Variants in GSE1 observed in about 807,000 individuals in gnomAD.
The protein encoded by GSE1 is Gse1 coiled-coil protein, also known as genetic suppressor element 1.
A neutral mutation model predicts 112.6 loss-of-function variants in GSE1; 32 were observed. The observed-to-expected ratio is 0.28, with a 90% CI of 0.21 to 0.38. The LOEUF is 0.38. GSE1 is among the 10% of genes least tolerant of loss of function. GSE1 has a pLI of 1.00. For missense variants in GSE1, 2,348 were observed against 1,699.2 expected, an observed-to-expected ratio of 1.38 and a Z score of -6.71; for synonymous variants, 1,115 against 735.6, an observed-to-expected ratio of 1.52 and a Z score of -8.35.
intron 1 of GSE1, among the ~76,000 whole-genome samples, chr16:85,293,809 CTG>C (rs1300745831): frequency 6.6e-6 from 1 of 152,230 alleles, no homozygotes; most frequent in African/African-American, 2.4e-5. Context: ...GTGACCTTCT[CTG>C]TGTGTCTTCA....
intron 1 of GSE1, among the ~76,000 whole-genome samples, chr16:85,225,141 A>G (rs2075462365): frequency 6.6e-6 from 1 of 152,076 alleles, no homozygotes; most frequent in African/African-American, 2.4e-5. Context: ...AAAAAGAAAG[A>G]AGTAAGTGAA....
Position 85,644,073 on chromosome 16 carries a change from A to G in GSE1, c.227-4479A>G, listed in dbSNP as rs559118547. ...GCAGGCACCGTTACTCATGCCTGTA[A>G]TCCCAGCACTGTGGGCAACTGAGGC... On this transcript the variant is annotated intron_variant, in intron 2 of 15. Transcript: ENST00000253458. Among the ~76,000 whole-genome samples the G allele has an allele frequency of 1.8e-4, 28 of 152,106 alleles. 1 individual carries two copies. The highest frequency in any genetic ancestry group is 3.4e-3 in the Middle Eastern group (1 of 294).
chr16:85,287,557 C>T (rs942940669), intron 1 of GSE1, among the ~76,000 whole-genome samples: 6 of 152,100 alleles, frequency 3.9e-5, no homozygotes, highest in East Asian at 1.9e-4. Context: ...CCTTTGTACC[C>T]GCTGCCCCCT....
At position 85,336,928 on chromosome 16, in the gene GSE1, G is replaced by T. The variant is rs2046501211; in HGVS notation, c.2284-20535G>T. ...CGTGTACACGCATGCCCACACAAAT[G>T]CACACGCTGACATGCACACATGCTT... is the stretch of plus-strand genomic sequence containing the variant. On this transcript the variant is annotated intron_variant, in intron 1 of 2. Coordinates refer to the GSE1 transcript ENST00000637419. Among the ~76,000 whole-genome samples the T allele has an allele frequency of 3.3e-5, 5 of 152,300 alleles. No individual in the cohort carries two copies. The South Asian group carries it at 1.0e-3, about 32-fold the overall frequency.
rs146099569 is a variant in GSE1 at position 85,309,531 on chromosome 16, C to T, written c.2284-47932C>T. On this transcript the variant is annotated intron_variant, in intron 1 of 2. Transcript: ENST00000637419. ...AAATAAATAAATAAATAAGAAGAAC[C>T]GGGTGAGATTAATTTTGAGATGATA... Among the ~76,000 whole-genome samples, 154 of 139,268 alleles carry T rather than the reference C, an allele frequency of 1.1e-3. 1 individual carries two copies. The highest frequency in any genetic ancestry group is 3.6e-3 in the African/African-American group (146 of 40,376). 91.4% of individuals were successfully genotyped at this position (139,268 alleles called of 152,430 possible).
At chr16:85,610,660 TCA>T (rs2047928564), upstream of GSE1, among the ~76,000 whole-genome samples, 2 of 152,174 alleles carry the variant, frequency 1.3e-5, no homozygotes, top group Admixed American at 6.5e-5. Context: ...CGGCCAGGAC[TCA>T]CAGAGCGGCT....
chr16:85,442,450 A>ATGAC (rs1324175434), intron 2 of GSE1, among the ~76,000 whole-genome samples: 1 of 151,796 alleles, frequency 6.6e-6, no homozygotes, highest in East Asian at 1.9e-4. Flanking sequence ...GGATGAATGA[A>ATGAC]TGAATGAATG....
chr16:85,250,174 G>A (rs765388730), intron 1 of GSE1, among the ~76,000 whole-genome samples: 1 of 152,194 alleles, frequency 6.6e-6, no homozygotes, highest in African/African-American at 2.4e-5. Context: ...GTCCCTCGAA[G>A]AGACCCCTCT....
chr16:85,621,694 G>C (rs955270253), intron 1 of GSE1, among the ~76,000 whole-genome samples: 1 of 152,208 alleles, frequency 6.6e-6, no homozygotes, highest in Non-Finnish European at 1.5e-5. Context: ...GGATGCTGGA[G>C]CTGGGGTTTC....
intron 1 of GSE1, among the ~76,000 whole-genome samples, chr16:85,279,801 G>C (rs1317531953): frequency 6.6e-6 from 1 of 152,044 alleles, no homozygotes; most frequent in Non-Finnish European, 1.5e-5. Flanking sequence ...GAATTCTCAG[G>C]ACTGTCTGTC....
At chr16:85,547,550 A>G (rs1217409468) in intron 2 of GSE1, among the ~76,000 whole-genome samples, 3 of 152,206 alleles carry the variant, frequency 2.0e-5, no homozygotes, top group Admixed American at 2.0e-4. Context: ...TAATTAATGT[A>G]TAATTTAATA....
chr16:85,627,127 A>G (rs1452642346), intron 1 of GSE1, among the ~76,000 whole-genome samples: 1 of 101,616 alleles, frequency 9.8e-6, no homozygotes, highest in Non-Finnish European at 1.8e-5. Flanking sequence ...AGAGAATAGG[A>G]GAAAGTATTG....
intron 6 of GSE1, 74 bp downstream of exon 6, chr16:85,655,991 C>G: frequency 8.0e-7 from 1 of 1,247,094 alleles, no homozygotes; most frequent in Non-Finnish European, 1.1e-6. Flanking sequence ...AAAGCCTGGG[C>G]TGGAACCTGA....
intron 1 of GSE1, among the ~76,000 whole-genome samples, chr16:85,253,826 T>C (rs1008088985): frequency 1.2e-4 from 17 of 145,242 alleles, no homozygotes; most frequent in African/African-American, 4.0e-4. Flanking sequence ...GAGAACTGTG[T>C]GTGCAAAGGC....
intron 2 of GSE1, among the ~76,000 whole-genome samples, chr16:85,400,481 T>C (rs1006575273): frequency 2.6e-5 from 4 of 151,294 alleles, no homozygotes; most frequent in African/African-American, 9.7e-5. Context: ...GTGTGTAGTT[T>C]TGTGTTGTGT....
chr16:85,246,304 G>T, intron 1 of GSE1, among the ~76,000 whole-genome samples: 1 of 47,444 alleles, frequency 2.1e-5, no homozygotes, highest in African/African-American at 9.8e-5. Context: ...CACCCCACAC[G>T]CTGTCTACAC....
chr16:85,248,098 G>A (rs939853123), intron 1 of GSE1, among the ~76,000 whole-genome samples: 7 of 152,202 alleles, frequency 4.6e-5, no homozygotes, highest in South Asian at 2.1e-4. Flanking sequence ...GGTGGGGTGC[G>A]TAGAGCTGCA....
intron 2 of GSE1, among the ~76,000 whole-genome samples, chr16:85,493,959 T>A (rs1597946369): frequency 6.6e-6 from 1 of 152,080 alleles, no homozygotes; most frequent in Non-Finnish European, 1.5e-5. Flanking sequence ...AGTGGTTGCC[T>A]GTAGTCCCAG....
chr16:85,667,765 A>T (rs759487882), intron 13 of GSE1, among the ~76,000 whole-genome samples: 1 of 152,226 alleles, frequency 6.6e-6, no homozygotes, highest in Non-Finnish European at 1.5e-5. Flanking sequence ...AGGCTGAGGC[A>T]GGAGAATTGC....
Sources: gnomAD v4.1 joint callset for allele counts (sites outside exome capture counted in the v4.1 genomes callset) on GRCh38, gnomAD v4.1.1 for gene constraint, MANE v1.5 for transcripts, NCBI Gene and HGNC (gene_info 2026-07-23, HGNC 2026-07-21) for gene names.